The following CSTPP1 variants were observed in gnomAD, a reference collection of about 807,000 sequenced individuals.
CSTPP1 encodes the protein UPF0705 protein C11orf49.
chr11:47,090,907 C>T, the CSTPP1 span, among the ~76,000 whole-genome samples: 1 of 147,728 alleles, frequency 6.8e-6, no homozygotes, highest in African/African-American at 2.5e-5. Context: ...GGCGCGGTGG[C>T]GGGCGCCTGT....
chr11:46,986,731 ATGCTGGGATTACAGGCCTGAGCCACTG>A, the CSTPP1 span, among the ~76,000 whole-genome samples: 1 of 152,046 alleles, frequency 6.6e-6, no homozygotes, highest in Non-Finnish European at 1.5e-5. Flanking sequence ...GCCTCCCAAA[ATGCTGGGATTACAGGCCTGAGCCACTG>A]TGCCTGGCCA....
the CSTPP1 span, among the ~76,000 whole-genome samples, chr11:47,154,776 T>A: frequency 6.6e-6 from 1 of 152,208 alleles, no homozygotes; most frequent in East Asian, 1.9e-4. Context: ...TATTCTGAAC[T>A]AAATGGTCCT....
chr11:47,150,664 G>A, the CSTPP1 span, among the ~76,000 whole-genome samples: 5 of 152,154 alleles, frequency 3.3e-5, no homozygotes, highest in Admixed American at 2.6e-4. Context: ...GGCATGGAGG[G>A]CAGGGAGCAT....
the CSTPP1 span, among the ~76,000 whole-genome samples, chr11:47,045,914 G>A: frequency 6.6e-6 from 1 of 151,838 alleles, no homozygotes; most frequent in South Asian, 2.1e-4. Context: ...AGCCTCCCGA[G>A]TAGCTGGGAT....
chr11:46,939,354 G>A, the CSTPP1 span, among the ~76,000 whole-genome samples: 1 of 152,010 alleles, frequency 6.6e-6, no homozygotes, highest in Non-Finnish European at 1.5e-5. Flanking sequence ...CTCCCAAACT[G>A]CTTGGATTAC....
chr11:47,108,006 C>G, the CSTPP1 span, among the ~76,000 whole-genome samples: 3 of 152,376 alleles, frequency 2.0e-5, no homozygotes, highest in Middle Eastern at 3.4e-3. Flanking sequence ...CACACACACA[C>G]AGACGCTCAA....
At chr11:47,062,594 TA>T in the CSTPP1 span, among the ~76,000 whole-genome samples, 4 of 152,218 alleles carry the variant, frequency 2.6e-5, no homozygotes, top group Admixed American at 6.5e-5. Flanking sequence ...TAATATTCAG[TA>T]TTCCAAAATA....
At chr11:47,154,924 G>C in the CSTPP1 span, 1 of 529,128 alleles carries the variant, frequency 1.9e-6, no homozygotes, top group Non-Finnish European at 3.4e-6. Flanking sequence ...CCGGGAGCCC[G>C]CTCTGGGTAC....
chr11:47,086,538 G>C, the CSTPP1 span, among the ~76,000 whole-genome samples: 1 of 152,000 alleles, frequency 6.6e-6, no homozygotes, highest in Non-Finnish European at 1.5e-5. Context: ...GAAGGGAAGA[G>C]AAGATAATAA....
chr11:47,028,235 T>A, the CSTPP1 span, among the ~76,000 whole-genome samples: 1 of 152,234 alleles, frequency 6.6e-6, no homozygotes, highest in Non-Finnish European at 1.5e-5. Context: ...ATCTCTATTT[T>A]CTATAGCATT....
At chr11:46,997,287 T>C in the CSTPP1 span, among the ~76,000 whole-genome samples, 1 of 152,200 alleles carries the variant, frequency 6.6e-6, no homozygotes, top group Non-Finnish European at 1.5e-5. Context: ...CTTCTCTTCT[T>C]GCTTCATTTC....
the CSTPP1 span, among the ~76,000 whole-genome samples, chr11:47,065,594 T>C: frequency 6.6e-6 from 1 of 152,148 alleles, no homozygotes; most frequent in Admixed American, 6.5e-5. Context: ...AGCGATGTTT[T>C]GTAGTTTTCA....
chr11:47,144,805 C>T, the CSTPP1 span, among the ~76,000 whole-genome samples: 2 of 152,072 alleles, frequency 1.3e-5, no homozygotes, highest in African/African-American at 4.8e-5. Context: ...CAAACTTGAG[C>T]ATGCATCAGA....
chr11:47,123,497 T>C, the CSTPP1 span, among the ~76,000 whole-genome samples: 1 of 152,236 alleles, frequency 6.6e-6, no homozygotes, highest in Non-Finnish European at 1.5e-5. Flanking sequence ...TTCACAAGCA[T>C]TATCTCATGT....
At chr11:47,000,076 C>T in the CSTPP1 span, among the ~76,000 whole-genome samples, 1 of 152,058 alleles carries the variant, frequency 6.6e-6, no homozygotes, top group Non-Finnish European at 1.5e-5. Flanking sequence ...TTGTATGTAA[C>T]CTCTACCTCT....
chr11:47,042,341 TTC>T, the CSTPP1 span, among the ~76,000 whole-genome samples: 1 of 125,546 alleles, frequency 8.0e-6, no homozygotes, highest in Non-Finnish European at 1.8e-5. Context: ...GCACTTTGAC[TTC>T]TGTTTTTTTT....
the CSTPP1 span, among the ~76,000 whole-genome samples, chr11:47,093,906 C>T: frequency 4.9e-4 from 75 of 152,180 alleles, 2 homozygotes; most frequent in South Asian, 0.015. Context: ...GATTTGAAAC[C>T]AAATGATGAA....
At chr11:47,132,302 T>C in the CSTPP1 span, among the ~76,000 whole-genome samples, 3 of 152,352 alleles carry the variant, frequency 2.0e-5, no homozygotes, top group South Asian at 6.2e-4. Context: ...CATGTTTTTA[T>C]TTATTCATTC....
the CSTPP1 span, among the ~76,000 whole-genome samples, chr11:47,047,004 G>C: frequency 2.0e-5 from 3 of 151,224 alleles, no homozygotes; most frequent in African/African-American, 7.3e-5. Flanking sequence ...GGGTTCAAGC[G>C]GTTCTTCTGC....
Sources: allele counts gnomAD v4.1 joint callset (sites outside exome capture counted in the v4.1 genomes callset), GRCh38; gene constraint gnomAD v4.1.1; transcripts MANE v1.5; gene names NCBI Gene and HGNC (gene_info 2026-07-23, HGNC 2026-07-21).